OSBPL1A: variants seen among roughly 807,000 people sequenced by gnomAD.
OSBPL1A encodes oxysterol binding protein like 1A, also known as oxysterol-binding protein-related protein 1.
In OSBPL1A, 80 loss-of-function variants were observed where a neutral mutation model predicts 137.1. The observed-to-expected ratio is 0.58, with a 90% CI of 0.49 to 0.70. OSBPL1A has a LOEUF of 0.70. Ranked by LOEUF, OSBPL1A falls within the 30% of genes least tolerant of loss-of-function variation. The pLI is 0.00. For synonymous variants in OSBPL1A, 365 were observed against 389.7 expected (o/e 0.94, Z 0.75); for missense variants, 970 against 1,129.4 (o/e 0.86, Z 2.02).
At chr18:24,221,853 AC>A (rs1244251062) in intron 17 of OSBPL1A, among the ~76,000 whole-genome samples, 1 of 152,176 alleles carries the variant, frequency 6.6e-6, no homozygotes, top group Non-Finnish European at 1.5e-5. Flanking sequence ...TTTTAAAGCT[AC>A]TGTAAATATC....
chr18:24,178,571 A>G (rs1154262), intron 20 of OSBPL1A, among the ~76,000 whole-genome samples: 109 of 152,292 alleles, frequency 7.2e-4, no homozygotes, highest in East Asian at 3.5e-3. Flanking sequence ...GATTACAGGC[A>G]TGAGCCACCA....
chr18:24,225,106 T>C lies in OSBPL1A; in HGVS notation c.1537A>G (p.Arg513Gly). ...CCACAGTCTTTTTCTTCGGACATTC[T>C]GTGTTTTCTACTGCCCAAATGCTCT... Reference protein sequence around the residue: ...EGEHLGSRKHRMSEEKDCGGG... With the variant: ...EGEHLGSRKHGMSEEKDCGGG... The change falls in exon 17 of 28, where the codon AGA (arginine) becomes GGA (glycine). Residue 513 changes from arginine (R) to glycine (G), a missense_variant. By Grantham distance (125) the Arg-to-Gly change is moderately radical. Coordinates refer to ENST00000319481, the MANE Select transcript of OSBPL1A (RefSeq NM_080597.4). The C allele has an allele frequency of 6.2e-7, 1 of 1,614,198 alleles. No individual in the cohort carries two copies. The highest frequency in any genetic ancestry group is 1.3e-5 in the African/African-American group (1 of 75,062).
rs764999757 is a variant in OSBPL1A at position 24,311,984 on chromosome 18, C to T, written c.1092G>A (p.Glu364=). 1 of 1,613,940 alleles carries T rather than the reference C, an allele frequency of 6.2e-7. No individual in the cohort carries two copies. Among genetic ancestry groups the T allele is most frequent in the Admixed American group, 1.7e-5 (1 of 60,012 alleles). ...GGTCAGGTTACATTTTCCTATTTAC[C>T]TCTAATGATTTCTTCAGGTCTGCAG... ...VSAADLKKSL[E]KAQSCQQRLD... Residue 364 remains glutamate, a splice_region_variant and synonymous_variant, in exon 13 of 28, where the codon GAG becomes GAA. Transcript: ENST00000319481.
chr18:24,318,915 A>T, intron 7 of OSBPL1A, 106 bp from the exon 8 acceptor site: 1 of 957,014 alleles, frequency 1.0e-6, no homozygotes, highest in Admixed American at 2.3e-5. Context: ...TATTGCCTAT[A>T]TCTTTTTCTT....
At chr18:24,361,298 A>G (rs187230753) in intron 4 of OSBPL1A, among the ~76,000 whole-genome samples, 1 of 152,346 alleles carries the variant, frequency 6.6e-6, no homozygotes, top group African/African-American at 2.4e-5. Context: ...AAGTGCTGGC[A>G]TTACAGACAT....
At chr18:24,392,205 T>G (rs915251948) in intron 1 of OSBPL1A, among the ~76,000 whole-genome samples, 1 of 151,444 alleles carries the variant, frequency 6.6e-6, no homozygotes, top group Non-Finnish European at 1.5e-5. Flanking sequence ...TTGTTTCCCA[T>G]GCTGGAGTGC....
At position 24,393,092 on chromosome 18, in the gene OSBPL1A, C is replaced by CA. The variant is rs375497235; in HGVS notation, c.-3+4562dup. Among the ~76,000 whole-genome samples the CA allele has an allele frequency of 6.5e-3, 963 of 147,496 alleles. 5 individuals carry two copies. Among genetic ancestry groups the CA allele is most frequent in the African/African-American group, 0.017 (705 of 40,338 alleles). The stretch of plus-strand genomic sequence containing the variant: ...TAACTACATAAAAACATGGCAATGG[C>CA]AAAAAAAAAATACTTATTTGCTCTA... On this transcript the variant is annotated intron_variant, in intron 1 of 27. Coordinates refer to ENST00000319481, the MANE Select transcript of OSBPL1A (RefSeq NM_080597.4).
intron 1 of OSBPL1A, among the ~76,000 whole-genome samples, chr18:24,392,688 A>T (rs1036045732): frequency 5.9e-5 from 9 of 152,150 alleles, no homozygotes; most frequent in Non-Finnish European, 1.2e-4. Flanking sequence ...CCTGCGCTCC[A>T]AAGTAGTTAG....
At chr18:24,325,599 CTATTT>C (rs1397570325) in intron 7 of OSBPL1A, among the ~76,000 whole-genome samples, 4 of 152,162 alleles carry the variant, frequency 2.6e-5, no homozygotes, top group African/African-American at 9.7e-5. Context: ...TCCCTTCATC[CTATTT>C]TATTTTCCTG....
At chr18:24,248,538 T>C (rs1366174612) in intron 15 of OSBPL1A, among the ~76,000 whole-genome samples, 1 of 152,216 alleles carries the variant, frequency 6.6e-6, no homozygotes, top group Non-Finnish European at 1.5e-5. Context: ...AGCTCCTCCA[T>C]GGGAAAGAAG....
chr18:24,297,703 C>T (rs2090318139), intron 14 of OSBPL1A, among the ~76,000 whole-genome samples: 1 of 152,188 alleles, frequency 6.6e-6, no homozygotes. Flanking sequence ...TAGTTCTGAG[C>T]ATTCCTTTTG....
intron 15 of OSBPL1A, among the ~76,000 whole-genome samples, chr18:24,255,435 G>A (rs772157710): frequency 1.2e-4 from 18 of 152,282 alleles, no homozygotes; most frequent in Non-Finnish European, 2.1e-4. Context: ...CTTAGGGCCA[G>A]CCTGCCTCCC....
At chr18:24,179,259 T>G (rs559865494) in intron 20 of OSBPL1A, 1 of 157,180 alleles carries the variant, frequency 6.4e-6, no homozygotes, top group African/African-American at 2.4e-5. Context: ...GCCTCTCAAG[T>G]AGCTGGGACT....
intron 18 of OSBPL1A, among the ~76,000 whole-genome samples, chr18:24,183,908 G>A (rs891231636): frequency 1.2e-4 from 18 of 152,300 alleles, no homozygotes; most frequent in African/African-American, 4.3e-4. Context: ...CACTGAACCA[G>A]ATTGAGTTCC....
intron 16 of OSBPL1A, among the ~76,000 whole-genome samples, chr18:24,236,757 G>A (rs756770906): frequency 1.1e-4 from 17 of 152,162 alleles, no homozygotes; most frequent in Non-Finnish European, 1.6e-4. Flanking sequence ...AATCCACAAA[G>A]CAGCAGATAC....
At chr18:24,216,904 T>G (rs1432154405) in intron 17 of OSBPL1A, among the ~76,000 whole-genome samples, 2 of 152,188 alleles carry the variant, frequency 1.3e-5, no homozygotes, top group African/African-American at 4.8e-5. Flanking sequence ...ATATGGCTCC[T>G]TAGAGAAATA....
chr18:24,260,112 G>A (rs550670792), intron 15 of OSBPL1A, among the ~76,000 whole-genome samples: 7 of 152,140 alleles, frequency 4.6e-5, no homozygotes, highest in Admixed American at 3.3e-4. Flanking sequence ...TAAACACAAT[G>A]AGATACCACT....
intron 22 of OSBPL1A, among the ~76,000 whole-genome samples, chr18:24,171,943 C>CT (rs371618047): frequency 0.13 from 18,872 of 140,264 alleles, 1,384 homozygotes; most frequent in Middle Eastern, 0.28. Flanking sequence ...TTGCCTGATC[C>CT]TTTTTTTTTT....
rs116281285 is a variant in OSBPL1A at position 24,166,856 on chromosome 18, T to C, written c.2536-154A>G. On this transcript the variant is annotated intron_variant, in intron 25 of 27. Transcript: ENST00000319481. The stretch of plus-strand genomic sequence containing the variant: ...CTCAGATCACACGTATCTAAATGTT[T>C]TCACCAAAATCTGCACCATCTGTGG... Among the ~76,000 whole-genome samples, 882 of 152,286 alleles carry C rather than the reference T, an allele frequency of 5.8e-3. 10 individuals are homozygous for C. Among genetic ancestry groups the C allele is most frequent in the African/African-American group, 0.019 (793 of 41,554 alleles).
Sources: gnomAD v4.1 joint callset for allele counts (sites outside exome capture counted in the v4.1 genomes callset) on GRCh38, gnomAD v4.1.1 for gene constraint, MANE v1.5 for transcripts, NCBI Gene and HGNC (gene_info 2026-07-23, HGNC 2026-07-21) for gene names.